Variants in COG6 observed in about 807,000 individuals in gnomAD.
COG6 encodes conserved oligomeric Golgi complex subunit 6.
A neutral mutation model predicts 88.8 loss-of-function variants in COG6; 74 were observed. The ratio of observed to expected loss-of-function variants is 0.83; its 90% CI spans 0.69 to 1.01. The LOEUF (loss-of-function observed/expected upper bound fraction) is 1.01, where lower values mean the gene tolerates loss of function less well. Ranked by LOEUF, COG6 falls within the 50% of genes least tolerant of loss-of-function variation. COG6 has a pLI of 0.00. For missense variants in COG6, 800 were observed against 797.9 expected (o/e 1.00, Z -0.03); for synonymous variants, 286 against 278.7 (o/e 1.03, Z -0.26).
chr13:39,767,033 A>G (rs1489607121), intron 18 of COG6, among the ~76,000 whole-genome samples: 1 of 152,036 alleles, frequency 6.6e-6, no homozygotes, highest in African/African-American at 2.4e-5. Context: ...GTGATAGGGT[A>G]TGATCAGTGT....
chr13:39,754,373 T>C (rs1222877314), downstream of COG6, among the ~76,000 whole-genome samples: 4 of 152,278 alleles, frequency 2.6e-5, no homozygotes, highest in Non-Finnish European at 5.9e-5. Flanking sequence ...GAAATCAGAA[T>C]AATATAATAC....
At chr13:39,703,424 G>A (rs183171819) in intron 13 of COG6, among the ~76,000 whole-genome samples, 2 of 152,144 alleles carry the variant, frequency 1.3e-5, no homozygotes, top group Non-Finnish European at 2.9e-5. Context: ...TTCCTATTGG[G>A]TTGTCTTGTT....
chr13:39,690,103 ATTAAAT>A (rs1876899391), intron 11 of COG6, among the ~76,000 whole-genome samples: 2 of 151,856 alleles, frequency 1.3e-5, no homozygotes, highest in South Asian at 4.1e-4. Context: ...AAAAAAATCT[ATTAAAT>A]TTAAACAGCG....
At position 39,752,528 on chromosome 13, in the gene COG6, G is replaced by A; in HGVS notation, c.*1435G>A. 1 of 1,212,508 alleles carries A rather than the reference G, an allele frequency of 8.2e-7. No homozygotes were observed. The highest frequency in any genetic ancestry group is 1.1e-6 in the Non-Finnish European group (1 of 929,574). The allele number at this position is 1,212,508 out of a possible 1,614,324, so 75.1% of individuals were successfully genotyped here. ...ATTGTATATAATTTATTTCTACAGA[G>A]AAAGAAGATTGATACCTTGCTATGA... On this transcript the variant is annotated 3_prime_UTR_variant, in exon 19 of 19. Coordinates refer to ENST00000455146, the MANE Select transcript of COG6 (RefSeq NM_020751.3).
chr13:39,678,803 A>G (rs1045607399), intron 5 of COG6, among the ~76,000 whole-genome samples: 1 of 152,158 alleles, frequency 6.6e-6, no homozygotes, highest in Non-Finnish European at 1.5e-5. Flanking sequence ...AGGTGAGAGA[A>G]TTAATAGAGA....
intron 13 of COG6, among the ~76,000 whole-genome samples, chr13:39,717,428 T>G (rs1878586997): frequency 6.6e-6 from 1 of 152,160 alleles, no homozygotes. Flanking sequence ...CCTTCTGGGC[T>G]TCCCCTTTAT....
chr13:39,679,904 A>G, intron 6 of COG6, 71 bp from the exon 7 acceptor site: 2 of 838,496 alleles, frequency 2.4e-6, no homozygotes, highest in Non-Finnish European at 4.0e-6. Context: ...GTAATATGCA[A>G]ACAAAATAAT....
chr13:39,698,175 A>G (rs1593433776), intron 12 of COG6, among the ~76,000 whole-genome samples: 2 of 141,910 alleles, frequency 1.4e-5, no homozygotes, highest in African/African-American at 5.0e-5. Context: ...TGATAACTCC[A>G]TATTAAAAAA....
intron 17 of COG6, among the ~76,000 whole-genome samples, chr13:39,724,931 C>T (rs754817178): frequency 2.6e-5 from 4 of 152,006 alleles, no homozygotes; most frequent in Non-Finnish European, 4.4e-5. Flanking sequence ...AAGTTCCTGA[C>T]GTGAAAATCG....
chr13:39,723,451 A>G lies in COG6; in HGVS notation c.1692+11A>G. The G allele has an allele frequency of 7.0e-7, 1 of 1,435,310 alleles. No homozygotes were observed. Among genetic ancestry groups the G allele is most frequent in the Non-Finnish European group, 9.8e-7 (1 of 1,017,716 alleles). The allele number at this position is 1,435,310 out of a possible 1,614,324, so 88.9% of individuals were successfully genotyped here. On this transcript the variant is annotated intron_variant, in intron 16 of 18. Coordinates refer to ENST00000455146, the MANE Select transcript of COG6 (RefSeq NM_020751.3). ...CATAAACCTGAACAGGTAAGTGCAT[A>G]GATGTTCCTTCCTAATTCTAAGAAC...
intron 13 of COG6, among the ~76,000 whole-genome samples, chr13:39,700,136 G>C (rs747602761): frequency 1.1e-4 from 17 of 151,772 alleles, no homozygotes; most frequent in Non-Finnish European, 2.1e-4. Flanking sequence ...ATCTTAAATT[G>C]AGCAGGGTAT....
In COG6 at chr13:39,751,607, CAG is replaced by C; in HGVS notation, c.*520_*521del. 7.8e-7 allele frequency: 1 copy of C among 1,287,084 alleles called. No individual in the cohort carries two copies. The highest frequency in any genetic ancestry group is 1.0e-6 in the Non-Finnish European group (1 of 988,660). The allele number at this position is 1,287,084 out of a possible 1,614,324, so 79.7% of individuals were successfully genotyped here. A position where few individuals can be genotyped will look rare whatever the true frequency, so the allele number is the denominator to read the frequency against. ...ATAGCTGCCCTTAAAGAGTTGTTAG[CAG>C]AGAGAAAAATAACAGTGAATGTGCT... On this transcript the variant is annotated 3_prime_UTR_variant, in exon 19 of 19. Transcript: ENST00000455146.
At chr13:39,675,529 C>T (rs1202374089) in intron 4 of COG6, among the ~76,000 whole-genome samples, 1 of 152,004 alleles carries the variant, frequency 6.6e-6, no homozygotes, top group Non-Finnish European at 1.5e-5. Context: ...TAGTACTGTG[C>T]CCATTATAAA....
chr13:39,655,705 A>AG lies in COG6; in HGVS notation c.-17dup, dbSNP rs67765306. On this transcript the variant is annotated 5_prime_UTR_variant, in exon 1 of 19. Coordinates refer to ENST00000455146, the MANE Select transcript of COG6 (RefSeq NM_020751.3). ...GTCCCTGCCTGGCTGAGGTGGCAGC[A>AG]GGGGGCGGGACGCGCAGCGCTATGG... 0.41 allele frequency: 640,766 copies of AG among 1,579,008 alleles called. 133,674 individuals are homozygous for AG. Among genetic ancestry groups the AG allele is most frequent in the Admixed American group, 0.62 (34,806 of 56,472 alleles).
At position 39,760,200 on chromosome 13, in the gene COG6, A is replaced by G. The variant is rs117806583; in HGVS notation, c.1827-28135A>G. ...CCGAGTCTTTCTGGGGGTATCATTT[A>G]TATAAGTCTAATTTTCGGGATTCAG... On this transcript the variant is annotated intron_variant, in intron 18 of 18. Transcript: ENST00000416691. 1.1e-3 allele frequency among the ~76,000 whole-genome samples: 164 copies of G among 152,254 alleles called. 2 individuals are homozygous for G. In the East Asian group the frequency reaches 0.028, roughly 26 times the overall value.
At chr13:39,739,628 A>C (rs1233012482) in intron 18 of COG6, among the ~76,000 whole-genome samples, 2 of 152,104 alleles carry the variant, frequency 1.3e-5, no homozygotes, top group African/African-American at 4.8e-5. Flanking sequence ...TTACTACATA[A>C]ACCAGTTAGA....
intron 18 of COG6, among the ~76,000 whole-genome samples, chr13:39,769,537 G>A (rs1467094229): frequency 6.6e-6 from 1 of 152,180 alleles, no homozygotes; most frequent in Admixed American, 6.5e-5. Context: ...AAAATAATCT[G>A]TGCAAAGCCA....
chr13:39,769,415 A>G (rs1417461037), intron 18 of COG6, among the ~76,000 whole-genome samples: 1 of 152,212 alleles, frequency 6.6e-6, no homozygotes. Flanking sequence ...AATGAATTCC[A>G]GCTGTTGGCC....
In COG6 at chr13:39,761,437, A is replaced by G. The variant is rs549265752; in HGVS notation, c.1827-26898A>G. On this transcript the variant is annotated intron_variant, in intron 18 of 18. Coordinates refer to the COG6 transcript ENST00000416691. ...CCTGAAAGTATGAAACTACTAGAAG[A>G]AAACATATGGGAAACACTTCAGTAC... is the stretch of plus-strand genomic sequence containing the variant. Among the ~76,000 whole-genome samples, 7 of 152,208 alleles carry G rather than the reference A, an allele frequency of 4.6e-5. No homozygotes were observed. The South Asian group carries it at 1.5e-3, about 32-fold the overall frequency.
Sources: gnomAD v4.1 joint callset for allele counts (sites outside exome capture counted in the v4.1 genomes callset) on GRCh38, gnomAD v4.1.1 for gene constraint, MANE v1.5 for transcripts, NCBI Gene and HGNC (gene_info 2026-07-23, HGNC 2026-07-21) for gene names.